Variants in RALGAPA2 observed in about 807,000 individuals in gnomAD.
RALGAPA2 encodes ral GTPase-activating protein subunit alpha-2.
In RALGAPA2, 139 loss-of-function variants were observed where a neutral mutation model predicts 230.4. The observed-to-expected ratio is 0.60, with a 90% CI of 0.53 to 0.69. The LOEUF (loss-of-function observed/expected upper bound fraction) is 0.69, where lower values mean the gene tolerates loss of function less well. RALGAPA2 is among the 30% of genes least tolerant of loss of function. RALGAPA2 has a pLI of 0.00. For missense variants in RALGAPA2, 2,163 were observed against 2,276.0 expected (o/e 0.95, Z 1.01); for synonymous variants, 847 against 837.8 (o/e 1.01, Z -0.19).
chr20:20,616,022 A>C lies in RALGAPA2; in HGVS notation c.1688+21T>G, dbSNP rs895921038. 24 of 1,424,140 alleles carry C rather than the reference A, an allele frequency of 1.7e-5. No homozygotes were observed. The African/African-American group carries it at 1.8e-4, about 10-fold the overall frequency. 88.2% of individuals were successfully genotyped at this position (1,424,140 alleles called of 1,614,324 possible). On this transcript the variant is annotated intron_variant, in intron 13 of 39. Coordinates refer to ENST00000202677, the MANE Select transcript of RALGAPA2 (RefSeq NM_020343.4). ...CAGAAACATCTGTTTTACAATACTA[A>C]TTAATTTGATATAAACTTACCATGT...
chr20:20,652,764 G>A (rs1387776192), intron 4 of RALGAPA2, among the ~76,000 whole-genome samples: 1 of 152,198 alleles, frequency 6.6e-6, no homozygotes, highest in Non-Finnish European at 1.5e-5. Flanking sequence ...CAAGTGGGAT[G>A]AGATGTTAGA....
At chr20:20,443,710 T>A (rs758526108) in intron 37 of RALGAPA2, among the ~76,000 whole-genome samples, 33 of 152,380 alleles carry the variant, frequency 2.2e-4, no homozygotes, top group Non-Finnish European at 3.7e-4. Flanking sequence ...GAGGAAGTCA[T>A]GTGACTCCTC....
intron 1 of RALGAPA2, among the ~76,000 whole-genome samples, chr20:20,711,296 T>C (rs1403043692): frequency 1.3e-5 from 2 of 152,344 alleles, no homozygotes; most frequent in South Asian, 4.1e-4. Context: ...AATCATTTTA[T>C]GCAATATTCT....
intron 7 of RALGAPA2, 88 bp from the exon 8 acceptor site, chr20:20,637,589 T>G: frequency 8.5e-7 from 1 of 1,179,808 alleles, no homozygotes; most frequent in African/African-American, 1.6e-5. Context: ...GTTACTAAAA[T>G]TCCTAACCTA....
intron 37 of RALGAPA2, among the ~76,000 whole-genome samples, chr20:20,463,901 T>C (rs563402747): frequency 6.6e-6 from 1 of 152,354 alleles, no homozygotes; most frequent in Admixed American, 6.5e-5. Context: ...ATTTCCACTT[T>C]TCTAACAGCT....
intron 23 of RALGAPA2, among the ~76,000 whole-genome samples, chr20:20,566,332 A>T (rs1265828045): frequency 2.0e-5 from 3 of 152,236 alleles, no homozygotes; most frequent in African/African-American, 7.2e-5. Context: ...CCATGGACAC[A>T]AAAGAAGCAT....
At chr20:20,600,230 A>C (rs1195166770) in intron 16 of RALGAPA2, among the ~76,000 whole-genome samples, 1 of 152,228 alleles carries the variant, frequency 6.6e-6, no homozygotes, top group Non-Finnish European at 1.5e-5. Flanking sequence ...TGGGAGGCAG[A>C]GGTTGCAATG....
chr20:20,635,690 G>A, intron 8 of RALGAPA2, 73 bp from the exon 9 acceptor site: 1 of 1,303,784 alleles, frequency 7.7e-7, no homozygotes, highest in Non-Finnish European at 1.0e-6. Flanking sequence ...CAAATGTTTT[G>A]GTTTCCAATT....
Position 20,524,541 on chromosome 20 carries a change from AAACTGGAAGAAG to A in RALGAPA2, c.3763-10_3764del. ...AGAGGCAGAGTAGCAAGGACACAATAAACTGGAAGAAGAACATGCCCGGTAGCTTATGCTGCA... is the reference window on the plus strand; with the variant it reads ...AGAGGCAGAGTAGCAAGGACACAATAAACATGCCCGGTAGCTTATGCTGCA... On this transcript the variant is annotated splice_acceptor_variant and splice_polypyrimidine_tract_variant and coding_sequence_variant and intron_variant, in exon 30 of 40. Coordinates refer to ENST00000202677, the MANE Select transcript of RALGAPA2 (RefSeq NM_020343.4). LOFTEE classifies it high-confidence loss of function. 6.2e-7 allele frequency: 1 copy of A among 1,613,916 alleles called. No individual in the cohort carries two copies. The highest frequency in any genetic ancestry group is 8.5e-7 in the Non-Finnish European group (1 of 1,179,854).
At chr20:20,694,938 T>C (rs901890544) in intron 1 of RALGAPA2, among the ~76,000 whole-genome samples, 4 of 152,222 alleles carry the variant, frequency 2.6e-5, no homozygotes, top group African/African-American at 9.6e-5. Flanking sequence ...CAAATGTTTA[T>C]AATGAGTATG....
intron 14 of RALGAPA2, among the ~76,000 whole-genome samples, chr20:20,607,453 AT>A (rs1240963455): frequency 1.3e-5 from 2 of 152,108 alleles, no homozygotes; most frequent in Non-Finnish European, 1.5e-5. Context: ...AAAACTAAAA[AT>A]ATGAAAGAAA....
chr20:20,710,713 A>G (rs1210966031), intron 1 of RALGAPA2, among the ~76,000 whole-genome samples: 1 of 152,262 alleles, frequency 6.6e-6, no homozygotes, highest in Non-Finnish European at 1.5e-5. Context: ...CAACTTTCTC[A>G]GAATGGGAAC....
chr20:20,511,929 G>A (rs1021684078), intron 32 of RALGAPA2, among the ~76,000 whole-genome samples: 3 of 152,090 alleles, frequency 2.0e-5, no homozygotes, highest in East Asian at 1.9e-4. Flanking sequence ...AGTTGCTCAC[G>A]CCTGTAATCC....
chr20:20,558,814 A>AG (rs1212687679), intron 23 of RALGAPA2, among the ~76,000 whole-genome samples: 3 of 151,898 alleles, frequency 2.0e-5, no homozygotes, highest in Non-Finnish European at 4.4e-5. Context: ...TGCTAAAAAA[A>AG]AAAAAAAAAA....
At chr20:20,517,869 A>C in intron 31 of RALGAPA2, among the ~76,000 whole-genome samples, 1 of 152,160 alleles carries the variant, frequency 6.6e-6, no homozygotes, top group Admixed American at 6.5e-5. Flanking sequence ...TTGAAGAAAC[A>C]GTCTACACAA....
intron 37 of RALGAPA2, among the ~76,000 whole-genome samples, chr20:20,457,727 G>A (rs558509390): frequency 6.6e-6 from 1 of 152,220 alleles, no homozygotes; most frequent in East Asian, 1.9e-4. Context: ...CTGCCCTCAC[G>A]CAGGGGGCAC....
intron 36 of RALGAPA2, among the ~76,000 whole-genome samples, chr20:20,483,854 C>A (rs112950665): frequency 0.01 from 1,526 of 152,186 alleles, 21 homozygotes; most frequent in African/African-American, 0.035. Flanking sequence ...AAATGAGAGG[C>A]TAAAAGGGGA....
chr20:20,490,102 T>C (rs139223615), intron 36 of RALGAPA2, among the ~76,000 whole-genome samples: 5 of 152,358 alleles, frequency 3.3e-5, no homozygotes, highest in Admixed American at 6.5e-5. Flanking sequence ...TAGTAGGCTA[T>C]AGATTTTCTT....
intron 15 of RALGAPA2, among the ~76,000 whole-genome samples, chr20:20,602,436 G>A (rs1374174059): frequency 1.3e-5 from 2 of 152,186 alleles, no homozygotes; most frequent in Non-Finnish European, 2.9e-5. Context: ...ATATTGTTCT[G>A]GTTAATTATT....
Sources: gnomAD v4.1 joint callset for allele counts (sites outside exome capture counted in the v4.1 genomes callset) on GRCh38, gnomAD v4.1.1 for gene constraint, MANE v1.5 for transcripts, NCBI Gene and HGNC (gene_info 2026-07-23, HGNC 2026-07-21) for gene names.